The following ZNF385B variants were observed in gnomAD, a reference collection of about 807,000 sequenced individuals.
ZNF385B encodes the protein zinc finger protein 385B.
Under a neutral mutation model 39.2 loss-of-function variants are expected in ZNF385B, and 23 were observed. That is an observed-to-expected ratio of 0.59 (90% CI 0.42 to 0.83). The LOEUF is 0.83. Among genes scored for constraint, ZNF385B ranks in the 40% least tolerant of loss-of-function variants. The pLI, the probability that ZNF385B is intolerant of heterozygous loss-of-function variation, is 0.00. For missense variants in ZNF385B, 552 were observed against 598.9 expected (o/e 0.92, Z 0.82); for synonymous variants, 205 against 222.6 (o/e 0.92, Z 0.70).
chr2:179,711,026 G>A (rs1699962164), intron 3 of ZNF385B, among the ~76,000 whole-genome samples: 1 of 152,206 alleles, frequency 6.6e-6, no homozygotes, highest in South Asian at 2.1e-4. Context: ...CCACTGTGGG[G>A]TAGGCTGTAC....
At chr2:179,834,346 T>C (rs544245736) in intron 1 of ZNF385B, among the ~76,000 whole-genome samples, 3 of 152,216 alleles carry the variant, frequency 2.0e-5, no homozygotes, top group African/African-American at 7.2e-5. Flanking sequence ...CTGAACCTCC[T>C]TCTAAGCTAG....
At chr2:179,802,344 C>A (rs1318542470) in intron 1 of ZNF385B, among the ~76,000 whole-genome samples, 2 of 152,042 alleles carry the variant, frequency 1.3e-5, no homozygotes, top group Non-Finnish European at 2.9e-5. Flanking sequence ...TCTTTCTAAG[C>A]CCCTTCTGTT....
chr2:179,631,489 C>G (rs1003070477), intron 3 of ZNF385B, among the ~76,000 whole-genome samples: 9 of 152,144 alleles, frequency 5.9e-5, no homozygotes, highest in Non-Finnish European at 1.0e-4. Context: ...CTGTCACCAC[C>G]AGGCCTGCCT....
intron 1 of ZNF385B, among the ~76,000 whole-genome samples, chr2:179,857,457 A>G (rs1684692801): frequency 6.6e-6 from 1 of 152,188 alleles, no homozygotes; most frequent in South Asian, 2.1e-4. Context: ...ATCAGGAAGC[A>G]TGTGCAATTG....
intron 6 of ZNF385B, among the ~76,000 whole-genome samples, chr2:179,473,296 T>A (rs2053007378): frequency 6.6e-6 from 1 of 152,044 alleles, no homozygotes; most frequent in Non-Finnish European, 1.5e-5. Context: ...AACAAGTACA[T>A]AAAGAGGAAT....
At chr2:179,507,936 C>G (rs1379119266) in intron 5 of ZNF385B, among the ~76,000 whole-genome samples, 1 of 152,190 alleles carries the variant, frequency 6.6e-6, no homozygotes, top group Admixed American at 6.5e-5. Context: ...GCTGACCCAC[C>G]ACAACTAAAG....
intron 3 of ZNF385B, among the ~76,000 whole-genome samples, chr2:179,761,002 C>T (rs1251959393): frequency 6.6e-6 from 1 of 152,096 alleles, no homozygotes; most frequent in East Asian, 1.9e-4. Context: ...AAAAGGTATT[C>T]TTTCTCCATT....
chr2:179,770,819 G>C (rs1004576687), intron 1 of ZNF385B, 147 bp from the exon 2 acceptor site: 1 of 152,150 alleles, frequency 6.6e-6, no homozygotes, highest in African/African-American at 2.4e-5. Context: ...TAAACTAAGG[G>C]AAGATTCGAA....
At chr2:179,753,775 T>C (rs1426490584) in intron 3 of ZNF385B, among the ~76,000 whole-genome samples, 1 of 152,242 alleles carries the variant, frequency 6.6e-6, no homozygotes, top group Non-Finnish European at 1.5e-5. Context: ...TTTTTGCACA[T>C]TGATTTTATA....
At chr2:179,843,269 A>G (rs1708635179) in intron 1 of ZNF385B, among the ~76,000 whole-genome samples, 1 of 152,192 alleles carries the variant, frequency 6.6e-6, no homozygotes, top group Non-Finnish European at 1.5e-5. Context: ...AGCACAGGGG[A>G]ACTAGCTACC....
intron 3 of ZNF385B, among the ~76,000 whole-genome samples, chr2:179,764,159 A>C (rs762531476): frequency 6.6e-6 from 1 of 152,012 alleles, no homozygotes; most frequent in Non-Finnish European, 1.5e-5. Context: ...AACATTTAGG[A>C]TCATTAGGTC....
intron 3 of ZNF385B, among the ~76,000 whole-genome samples, chr2:179,573,956 G>C (rs1367462929): frequency 6.6e-6 from 1 of 152,102 alleles, no homozygotes; most frequent in Non-Finnish European, 1.5e-5. Context: ...TTGATAAAAA[G>C]TATAGCATTA....
At chr2:179,578,529 AT>A (rs1559508398) in intron 3 of ZNF385B, among the ~76,000 whole-genome samples, 1 of 152,062 alleles carries the variant, frequency 6.6e-6, no homozygotes, top group African/African-American at 2.4e-5. Flanking sequence ...AATGAAAATA[AT>A]TTTGTTATAA....
At chr2:179,774,980 A>T (rs565940407) in intron 1 of ZNF385B, among the ~76,000 whole-genome samples, 1 of 152,320 alleles carries the variant, frequency 6.6e-6, no homozygotes, top group East Asian at 1.9e-4. Flanking sequence ...AGATTAAAAC[A>T]CATAGATGGA....
At chr2:179,667,436 C>T (rs548937371) in intron 3 of ZNF385B, among the ~76,000 whole-genome samples, 3 of 152,176 alleles carry the variant, frequency 2.0e-5, no homozygotes, top group African/African-American at 2.4e-5. Flanking sequence ...AGGCAGAATA[C>T]AAGAAATGTG....
At position 179,445,062 on chromosome 2, in the gene ZNF385B, TGCC is replaced by T. The variant is rs2049335963; in HGVS notation, c.1141-88_1141-86del. On this transcript the variant is annotated intron_variant, in intron 8 of 9. Transcript: ENST00000410066. ...ATTTCTAGGTAGCTATTTTCTCCAT[TGCC>T]AACTCTAGGTCCATAGTTCCACGAT... 2.6e-6 allele frequency: 3 copies of T among 1,165,204 alleles called. No individual in the cohort carries two copies. In the East Asian group the frequency reaches 7.1e-5, roughly 27 times the overall value. 72.2% of individuals were successfully genotyped at this position (1,165,204 alleles called of 1,614,324 possible).
chr2:179,800,483 T>C (rs1209365929), intron 1 of ZNF385B, among the ~76,000 whole-genome samples: 2 of 152,088 alleles, frequency 1.3e-5, no homozygotes, highest in African/African-American at 4.8e-5. Flanking sequence ...ATATCTGCTT[T>C]AGGGATTGCA....
intron 3 of ZNF385B, among the ~76,000 whole-genome samples, chr2:179,692,143 C>T (rs1383974034): frequency 6.6e-6 from 1 of 152,070 alleles, no homozygotes; most frequent in Non-Finnish European, 1.5e-5. Flanking sequence ...CTCACCACAT[C>T]CCTTCTTACC....
intron 4 of ZNF385B, among the ~76,000 whole-genome samples, chr2:179,524,123 TC>T (rs2058702921): frequency 6.6e-6 from 1 of 152,070 alleles, no homozygotes; most frequent in African/African-American, 2.4e-5. Context: ...GATGGGGAAA[TC>T]TTACCTTAAA....
Sources: allele counts gnomAD v4.1 joint callset (sites outside exome capture counted in the v4.1 genomes callset), GRCh38; gene constraint gnomAD v4.1.1; transcripts MANE v1.5; gene names NCBI Gene and HGNC (gene_info 2026-07-23, HGNC 2026-07-21).